Variants in BRINP1 observed in about 807,000 individuals in gnomAD.
BRINP1 encodes the protein BMP/retinoic acid inducible neural specific 1.
A neutral mutation model predicts 72.9 loss-of-function variants in BRINP1; 17 were observed. The ratio of observed to expected loss-of-function variants is 0.23; its 90% CI spans 0.16 to 0.35. BRINP1 has a LOEUF of 0.35. BRINP1 is among the 10% of genes least tolerant of loss of function. The pLI, the probability that BRINP1 is intolerant of heterozygous loss-of-function variation, is 1.00. For missense variants in BRINP1, 850 were observed against 1,001.6 expected, an observed-to-expected ratio of 0.85 and a Z score of 2.04; for synonymous variants, 418 against 378.5, an observed-to-expected ratio of 1.10 and a Z score of -1.21.
At chr9:119,294,727 G>A (rs1041098294) in intron 2 of BRINP1, among the ~76,000 whole-genome samples, 1 of 151,142 alleles carries the variant, frequency 6.6e-6, no homozygotes, top group Admixed American at 6.6e-5. Context: ...TTAGCCAGAT[G>A]TGTCTGTATT....
At chr9:119,261,916 C>G (rs1015549980) in intron 2 of BRINP1, among the ~76,000 whole-genome samples, 3 of 151,818 alleles carry the variant, frequency 2.0e-5, no homozygotes, top group Admixed American at 6.6e-5. Flanking sequence ...CTCCCTCCCT[C>G]CTGCATGTAT....
At chr9:119,323,763 T>C (rs1331383978) in intron 1 of BRINP1, among the ~76,000 whole-genome samples, 1 of 152,224 alleles carries the variant, frequency 6.6e-6, no homozygotes, top group Non-Finnish European at 1.5e-5. Context: ...CCAAACTTTA[T>C]GCCTTGAAGA....
At chr9:119,247,302 C>CTCGT (rs1554750868) in intron 3 of BRINP1, among the ~76,000 whole-genome samples, 1 of 151,092 alleles carries the variant, frequency 6.6e-6, no homozygotes, top group Non-Finnish European at 1.5e-5. Flanking sequence ...CTAACACATG[C>CTCGT]TGGTTGGTTG....
At chr9:119,308,232 A>G (rs1587955587) in intron 2 of BRINP1, among the ~76,000 whole-genome samples, 1 of 152,334 alleles carries the variant, frequency 6.6e-6, no homozygotes, top group Non-Finnish European at 1.5e-5. Context: ...TCTGTAACAT[A>G]CATTAAGAAA....
chr9:119,240,975 A>C (rs1470670367), intron 4 of BRINP1, among the ~76,000 whole-genome samples: 1 of 152,240 alleles, frequency 6.6e-6, no homozygotes, highest in Non-Finnish European at 1.5e-5. Flanking sequence ...ATCTGCACTA[A>C]AACCCTCAGA....
At chr9:119,256,823 C>G (rs1371800039) in intron 2 of BRINP1, among the ~76,000 whole-genome samples, 1 of 151,700 alleles carries the variant, frequency 6.6e-6, no homozygotes, top group Non-Finnish European at 1.5e-5. Flanking sequence ...TTTAGATAAT[C>G]AAGCTCCTAA....
chr9:119,175,658 T>C (rs1829479459), intron 7 of BRINP1, among the ~76,000 whole-genome samples: 1 of 152,122 alleles, frequency 6.6e-6, no homozygotes, highest in Non-Finnish European at 1.5e-5. Flanking sequence ...ATAATCTGAT[T>C]TCAGCCACCA....
intron 2 of BRINP1, among the ~76,000 whole-genome samples, chr9:119,259,148 A>G (rs960167909): frequency 7.2e-5 from 11 of 152,182 alleles, no homozygotes; most frequent in African/African-American, 2.7e-4. Context: ...CCTTTCACAA[A>G]GACATTCTGA....
intron 3 of BRINP1, among the ~76,000 whole-genome samples, chr9:119,244,472 GTAGATAGA>G (rs1214348383): frequency 6.6e-6 from 1 of 152,182 alleles, no homozygotes; most frequent in Non-Finnish European, 1.5e-5. Context: ...TGATGGATAA[GTAGATAGA>G]TAGATAGATG....
At chr9:119,238,821 A>G in intron 4 of BRINP1, 61 bp from the exon 5 acceptor site, 1 of 1,126,650 alleles carries the variant, frequency 8.9e-7, no homozygotes, top group Non-Finnish European at 1.3e-6. Flanking sequence ...GACATACCCC[A>G]AAGAGTCATG....
chr9:119,344,576 A>G (rs951696598), intron 1 of BRINP1, among the ~76,000 whole-genome samples: 3 of 152,320 alleles, frequency 2.0e-5, no homozygotes, highest in South Asian at 2.1e-4. Flanking sequence ...CAGCCCTTCC[A>G]TACAAGTTCA....
intron 1 of BRINP1, among the ~76,000 whole-genome samples, chr9:119,358,689 A>C (rs1373851671): frequency 6.6e-6 from 1 of 152,120 alleles, no homozygotes; most frequent in African/African-American, 2.4e-5. Flanking sequence ...GCGAGACTCC[A>C]TCTCCAAGAA....
At chr9:119,248,610 T>C (rs1830347106) in intron 3 of BRINP1, among the ~76,000 whole-genome samples, 1 of 152,230 alleles carries the variant, frequency 6.6e-6, no homozygotes, top group African/African-American at 2.4e-5. Context: ...AAACAAAGCA[T>C]ATTCCCTAAA....
At chr9:119,344,020 C>G (rs1831428692) in intron 1 of BRINP1, among the ~76,000 whole-genome samples, 1 of 152,172 alleles carries the variant, frequency 6.6e-6, no homozygotes, top group Non-Finnish European at 1.5e-5. Context: ...GCTCCTTCCT[C>G]CAGAGCCCCT....
chr9:119,297,064 A>G (rs1401827445), intron 2 of BRINP1, among the ~76,000 whole-genome samples: 1 of 152,198 alleles, frequency 6.6e-6, no homozygotes, highest in Non-Finnish European at 1.5e-5. Flanking sequence ...TGGGTGATGG[A>G]CACCTTAATT....
At chr9:119,340,340 T>C (rs556166454) in intron 1 of BRINP1, among the ~76,000 whole-genome samples, 12 of 152,034 alleles carry the variant, frequency 7.9e-5, no homozygotes, top group Non-Finnish European at 1.3e-4. Context: ...GAAGTAAAGT[T>C]AAGTTAATTG....
chr9:119,226,668 G>T (rs1012199269), intron 5 of BRINP1, among the ~76,000 whole-genome samples: 1 of 151,406 alleles, frequency 6.6e-6, no homozygotes, highest in Non-Finnish European at 1.5e-5. Flanking sequence ...CTATTCTAGG[G>T]TTTTTTTTTG....
intron 1 of BRINP1, among the ~76,000 whole-genome samples, chr9:119,360,818 G>T (rs997401281): frequency 6.6e-6 from 1 of 152,176 alleles, no homozygotes; most frequent in Non-Finnish European, 1.5e-5. Flanking sequence ...CCAGTACTGG[G>T]TTAACCCTTA....
At chr9:119,202,417 A>G (rs1829814255) in intron 7 of BRINP1, among the ~76,000 whole-genome samples, 1 of 152,126 alleles carries the variant, frequency 6.6e-6, no homozygotes, top group Non-Finnish European at 1.5e-5. Context: ...TCACAAATTT[A>G]TACACTACCC....
Sources: gnomAD v4.1 joint callset for allele counts (sites outside exome capture counted in the v4.1 genomes callset) on GRCh38, gnomAD v4.1.1 for gene constraint, MANE v1.5 for transcripts, NCBI Gene and HGNC (gene_info 2026-07-23, HGNC 2026-07-21) for gene names.